FOXP2: variants seen among roughly 807,000 people sequenced by gnomAD.
FOXP2 encodes forkhead box protein P2.
A neutral mutation model predicts 115.8 loss-of-function variants in FOXP2; 12 were observed. The observed-to-expected ratio is 0.10, with a 90% confidence interval of 0.07 to 0.17. The LOEUF (loss-of-function observed/expected upper bound fraction) is 0.17. FOXP2 is among the 10% of genes least tolerant of loss of function. FOXP2 has a pLI of 1.00. For synonymous variants in FOXP2, 328 were observed against 297.7 expected, an observed-to-expected ratio of 1.10 and a Z score of -1.05; for missense variants, 629 against 843.5, an observed-to-expected ratio of 0.75 and a Z score of 3.15.
At chr7:114,242,606 G>T (rs547220396) in intron 1 of FOXP2, among the ~76,000 whole-genome samples, 1 of 152,150 alleles carries the variant, frequency 6.6e-6, no homozygotes, top group Non-Finnish European at 1.5e-5. Flanking sequence ...AATCCTTATC[G>T]TGGGAAATTG....
chr7:114,418,801 A>G (rs191111133), intron 1 of FOXP2, among the ~76,000 whole-genome samples: 41 of 152,012 alleles, frequency 2.7e-4, no homozygotes, highest in Non-Finnish European at 5.2e-4. Flanking sequence ...TATACTTATA[A>G]GAATGATGTG....
chr7:114,309,512 A>G (rs1797093366), intron 2 of FOXP2, among the ~76,000 whole-genome samples: 1 of 152,168 alleles, frequency 6.6e-6, no homozygotes, highest in Admixed American at 6.5e-5. Flanking sequence ...TAGAGGTAGC[A>G]ATAGTGGTAG....
At position 114,631,557 on chromosome 7, in the gene FOXP2, A is replaced by C. The variant is rs964079039; in HGVS notation, c.627A>C (p.Gln209His). 1 of 1,590,226 alleles carries C rather than the reference A, an allele frequency of 6.3e-7. No homozygotes were observed. The highest frequency in any genetic ancestry group is 8.6e-7 in the Non-Finnish European group (1 of 1,167,606). Reference sequence around the variant, plus strand: ...AGCAGCAGCAGCAGCAGCAACAGCAATTGGCAGCCCAGCAGCTTGTCTTCC... The same window carrying C: ...AGCAGCAGCAGCAGCAGCAACAGCACTTGGCAGCCCAGCAGCTTGTCTTCC... ...EQQQQQQQQQQLAAQQLVFQQ... is the reference protein window; with the variant it reads ...EQQQQQQQQQHLAAQQLVFQQ... Residue 209 changes from glutamine (Q) to histidine (H), a missense_variant, in exon 6 of 17, where the codon CAA becomes CAC. Gln to His is a conservative substitution (Grantham distance 24). Around this residue, in one of 9 missense-constraint regions of FOXP2, gnomAD observed 138 missense variants for 205.1 expected, o/e 0.67. Coordinates refer to ENST00000350908, the MANE Select transcript of FOXP2 (RefSeq NM_014491.4).
chr7:114,157,889 TC>T (rs1363775985), intron 1 of FOXP2, among the ~76,000 whole-genome samples: 5 of 152,208 alleles, frequency 3.3e-5, no homozygotes, highest in Admixed American at 3.3e-4. Context: ...GGAAAAACTA[TC>T]ATTATAGTAG....
At chr7:114,353,268 T>G (rs576709856) in intron 2 of FOXP2, among the ~76,000 whole-genome samples, 27 of 151,930 alleles carry the variant, frequency 1.8e-4, no homozygotes, top group Non-Finnish European at 1.3e-4. Flanking sequence ...GCTCCCTTTT[T>G]TTCCACAAAC....
At chr7:114,418,147 T>G (rs985305628) in intron 1 of FOXP2, among the ~76,000 whole-genome samples, 1 of 151,980 alleles carries the variant, frequency 6.6e-6, no homozygotes, top group Admixed American at 6.6e-5. Flanking sequence ...GTAATTTTCT[T>G]CTGGAAAGAT....
chr7:114,510,271 A>G (rs1798008004), intron 2 of FOXP2, among the ~76,000 whole-genome samples: 1 of 152,076 alleles, frequency 6.6e-6, no homozygotes, highest in East Asian at 1.9e-4. Flanking sequence ...GAAGATTTTC[A>G]TTTTCCATGA....
At position 114,278,418 on chromosome 7, in the gene FOXP2, T is replaced by C. The variant is rs192431049; in HGVS notation, c.-101-9601T>C. On this transcript the variant is annotated intron_variant, in intron 1 of 17. Coordinates refer to the FOXP2 transcript ENST00000634411. ...TCACCCAGGCTGGAGTGCAGTGGTG[T>C]GATTTAGGCTCACTGCAACCACCGT... 6.1e-4 allele frequency among the ~76,000 whole-genome samples: 93 copies of C among 151,916 alleles called. 1 individual carries two copies. In the East Asian group the frequency reaches 0.016, roughly 27 times the overall value.
At chr7:114,091,890 T>C (rs1031303309) in intron 1 of FOXP2, among the ~76,000 whole-genome samples, 2 of 152,036 alleles carry the variant, frequency 1.3e-5, no homozygotes, top group Non-Finnish European at 2.9e-5. Context: ...TTCTTGGACC[T>C]GTACTCAACT....
intron 3 of FOXP2, among the ~76,000 whole-genome samples, chr7:114,559,886 CTT>C (rs1800676725): frequency 2.1e-5 from 1 of 47,048 alleles, no homozygotes; most frequent in Non-Finnish European, 4.5e-5. Context: ...AAGATTCCAT[CTT>C]AAAAAAAAAA....
intron 3 of FOXP2, chr7:114,561,135 C>G (rs1800739301): frequency 6.6e-6 from 1 of 152,246 alleles, no homozygotes; most frequent in African/African-American, 2.4e-5. Flanking sequence ...GCCGGTCCCA[C>G]CAATTTGCAT....
chr7:114,269,208 T>C (rs1795975991), intron 1 of FOXP2, among the ~76,000 whole-genome samples: 1 of 152,106 alleles, frequency 6.6e-6, no homozygotes, highest in South Asian at 2.1e-4. Context: ...GGCCAATATA[T>C]GGTTGAATAT....
chr7:114,217,206 T>G (rs1056905633), intron 1 of FOXP2, among the ~76,000 whole-genome samples: 1 of 152,138 alleles, frequency 6.6e-6, no homozygotes, highest in Non-Finnish European at 1.5e-5. Context: ...CATTAAAAAA[T>G]GGGATTGGCA....
chr7:114,395,720 A>G (rs1792720281), intron 2 of FOXP2, among the ~76,000 whole-genome samples: 1 of 152,038 alleles, frequency 6.6e-6, no homozygotes, highest in African/African-American at 2.4e-5. Flanking sequence ...AAAATCATAT[A>G]GTATTTGTCT....
At chr7:114,638,106 G>A (rs757816542) in intron 6 of FOXP2, among the ~76,000 whole-genome samples, 4 of 152,094 alleles carry the variant, frequency 2.6e-5, no homozygotes, top group Non-Finnish European at 5.9e-5. Context: ...TTAAGAAAAC[G>A]GATAAGGTTA....
intron 2 of FOXP2, among the ~76,000 whole-genome samples, chr7:114,380,602 A>G (rs1792265905): frequency 1.3e-5 from 2 of 152,340 alleles, no homozygotes; most frequent in Admixed American, 1.3e-4. Context: ...TCTGGAAGAA[A>G]TGTGGCTGGT....
intron 3 of FOXP2, among the ~76,000 whole-genome samples, chr7:114,602,260 T>TA (rs1242656654): frequency 5.9e-5 from 9 of 152,088 alleles, no homozygotes; most frequent in Non-Finnish European, 1.2e-4. Flanking sequence ...ATTTTTATCT[T>TA]AATATCTTTC....
At chr7:114,658,015 C>A (rs1806677102) in intron 10 of FOXP2, 51 bp from the exon 11 acceptor site, 2 of 1,604,024 alleles carry the variant, frequency 1.2e-6, no homozygotes, top group Non-Finnish European at 8.5e-7. Flanking sequence ...CTTTTTAAGT[C>A]TTTTTCTCTT....
intron 3 of FOXP2, among the ~76,000 whole-genome samples, chr7:114,618,276 T>C (rs372668102): frequency 1.1e-4 from 17 of 152,288 alleles, no homozygotes; most frequent in African/African-American, 4.1e-4. Flanking sequence ...AGTATGGTTA[T>C]AACATAGAGC....
Sources: allele counts gnomAD v4.1 joint callset (sites outside exome capture counted in the v4.1 genomes callset), GRCh38; gene constraint gnomAD v4.1.1; regional missense constraint gnomAD v4.1.1; transcripts MANE v1.5; gene names NCBI Gene and HGNC (gene_info 2026-07-23, HGNC 2026-07-21).